Variants in DNAH12 observed in about 807,000 individuals in gnomAD.
DNAH12 encodes axonemal beta dynein heavy chain 12.
In DNAH12, 285 loss-of-function variants were observed where a neutral mutation model predicts 371.5. That is an observed-to-expected ratio of 0.77 (90% CI 0.70 to 0.85). The LOEUF (loss-of-function observed/expected upper bound fraction) is 0.85, where lower values mean the gene tolerates loss of function less well. DNAH12 is among the 40% of genes least tolerant of loss of function. DNAH12 has a pLI of 0.00. For synonymous variants in DNAH12, 1,200 were observed against 1,213.0 expected, an observed-to-expected ratio of 0.99 and a Z score of 0.22; for missense variants, 3,611 against 3,689.4, an observed-to-expected ratio of 0.98 and a Z score of 0.55.
At chr3:57,524,064 G>A (rs1559750199) in intron 2 of DNAH12, among the ~76,000 whole-genome samples, 180 bp from the exon 3 acceptor site, 1 of 152,054 alleles carries the variant, frequency 6.6e-6, no homozygotes, top group Non-Finnish European at 1.5e-5. Flanking sequence ...TTTAAATAAT[G>A]CATATATATG....
intron 60 of DNAH12, among the ~76,000 whole-genome samples, chr3:57,348,304 C>T (rs2062592234): frequency 6.6e-6 from 1 of 151,998 alleles, no homozygotes; most frequent in Non-Finnish European, 1.5e-5. Context: ...CTGGAAATGA[C>T]AAAACTAAAC....
chr3:57,466,988 C>T (rs879434024), intron 17 of DNAH12, among the ~76,000 whole-genome samples: 7 of 152,018 alleles, frequency 4.6e-5, no homozygotes, highest in Admixed American at 1.3e-4. Context: ...CTTCTGGCCT[C>T]GAATGATCCT....
intron 70 of DNAH12, 28 bp downstream of exon 70, chr3:57,301,706 AC>A (rs1214179354): frequency 1.3e-6 from 2 of 1,519,128 alleles, no homozygotes; most frequent in Non-Finnish European, 1.8e-6. Flanking sequence ...ACACACACAC[AC>A]ACACACACAC....
chr3:57,443,550 ATTT>A (rs1363081250), intron 29 of DNAH12, among the ~76,000 whole-genome samples: 1 of 152,086 alleles, frequency 6.6e-6, no homozygotes, highest in East Asian at 1.9e-4. Context: ...TATTTTTGTT[ATTT>A]TAAATTTTTA....
rs1163753989 is a variant in DNAH12, at chr3:57,380,052, A to G, written c.8082+226T>C. Among the ~76,000 whole-genome samples the G allele has an allele frequency of 2.0e-5, 3 of 152,006 alleles. No homozygotes were observed. In the East Asian group the frequency reaches 5.8e-4, roughly 29 times the overall value. ...GACAACTCTTTCAACTCAATTATAC[A>G]CTAAAAGAGTATCTTCTTAAATAAC... On this transcript the variant is annotated intron_variant, in intron 51 of 73. Coordinates refer to ENST00000495027, the MANE Select transcript of DNAH12 (RefSeq NM_001366028.2).
At chr3:57,410,246 AT>A (rs2153355015) in intron 39 of DNAH12, among the ~76,000 whole-genome samples, 1 of 151,976 alleles carries the variant, frequency 6.6e-6, no homozygotes, top group Admixed American at 6.6e-5. Context: ...TTCCAACAGC[AT>A]TTGCTTACTT....
At chr3:57,548,362 A>T (rs940983583), upstream of DNAH12, among the ~76,000 whole-genome samples, 3 of 152,218 alleles carry the variant, frequency 2.0e-5, no homozygotes, top group East Asian at 5.8e-4. Flanking sequence ...TTAGAATTTG[A>T]AATTTGACTT....
chr3:57,524,473 A>G (rs2068565128), intron 2 of DNAH12, among the ~76,000 whole-genome samples: 1 of 152,078 alleles, frequency 6.6e-6, no homozygotes, highest in Non-Finnish European at 1.5e-5. Context: ...GTATAATCCT[A>G]TTGTATAATC....
chr3:57,359,708 A>G (rs1176797549), intron 58 of DNAH12, among the ~76,000 whole-genome samples: 3 of 152,170 alleles, frequency 2.0e-5, no homozygotes, highest in Admixed American at 6.5e-5. Flanking sequence ...AAAAGACTAA[A>G]CTTCAGTCAG....
At chr3:57,476,876 T>A (rs1362230090) in intron 13 of DNAH12, among the ~76,000 whole-genome samples, 1 of 152,190 alleles carries the variant, frequency 6.6e-6, no homozygotes, top group East Asian at 1.9e-4. Context: ...AAAATATTTT[T>A]AAAAATCTAT....
intron 2 of DNAH12, among the ~76,000 whole-genome samples, chr3:57,532,432 G>T (rs1452175861): frequency 1.3e-5 from 2 of 152,130 alleles, no homozygotes; most frequent in African/African-American, 2.4e-5. Context: ...GAAGAGTTAA[G>T]TACTTATTGC....
At chr3:57,503,282 C>A (rs1695191391) in intron 9 of DNAH12, among the ~76,000 whole-genome samples, 2 of 151,986 alleles carry the variant, frequency 1.3e-5, no homozygotes. Context: ...CAAAACAAAA[C>A]AAAGAAAACC....
intron 17 of DNAH12, among the ~76,000 whole-genome samples, chr3:57,464,420 C>T (rs909498608): frequency 6.6e-6 from 1 of 152,152 alleles, no homozygotes; most frequent in African/African-American, 2.4e-5. Context: ...AAGGGCAGCG[C>T]TCCCATCAGG....
intron 62 of DNAH12, among the ~76,000 whole-genome samples, chr3:57,326,273 T>G (rs893159700): frequency 9.9e-5 from 15 of 151,730 alleles, no homozygotes; most frequent in Non-Finnish European, 1.8e-4. Context: ...TCACCAAAGT[T>G]GAAATGAAGG....
Position 57,454,890 on chromosome 3 carries a change from T to G in DNAH12, c.3341A>C (p.Tyr1114Ser), listed in dbSNP as rs2065859758. The change falls in exon 23 of 74, where the codon TAT becomes TCT. Residue 1114 changes from tyrosine (Y) to serine (S), a missense_variant. Tyr to Ser is a moderately radical substitution (Grantham distance 144). Around this residue, in one of 3 missense-constraint regions of DNAH12, gnomAD observed 1,314 missense variants for 1,398.7 expected, o/e 0.94. Coordinates refer to ENST00000495027, the MANE Select transcript of DNAH12 (RefSeq NM_001366028.2). Reference sequence around the variant, plus strand: ...CCAGTCTCTTCTTGCAGATTCTGGATAAGCCTGAACAATTAAAATAAATTT... The same window carrying G: ...CCAGTCTCTTCTTGCAGATTCTGGAGAAGCCTGAACAATTAAAATAAATTT... ...HDVIAAARLA[Y>S]PESARRDWVR... 6.5e-6 allele frequency: 10 copies of G among 1,549,186 alleles called. No homozygotes were observed. The highest frequency in any genetic ancestry group is 4.0e-5 in the Admixed American group (2 of 50,316).
chr3:57,321,504 T>C (rs1456524055), intron 65 of DNAH12, among the ~76,000 whole-genome samples: 6 of 152,194 alleles, frequency 3.9e-5, no homozygotes, highest in African/African-American at 9.7e-5. Context: ...TCCATTCTTG[T>C]ACTCACTTGC....
Position 57,408,380 on chromosome 3 carries a change from A to G in DNAH12, c.6176T>C (p.Val2059Ala), listed in dbSNP as rs1418596412. The G allele has an allele frequency of 1.3e-6, 2 of 1,551,492 alleles. No individual in the cohort carries two copies. The highest frequency in any genetic ancestry group is 8.7e-7 in the Non-Finnish European group (1 of 1,146,936). The part of the protein sequence containing the change: ...SINSFSDETM[V>A]RIFSSIVAFY... ...TGCTACAATAGATGAGAAGATTCGGACCATAGTTTCATCACTAAAAGAATT... is the reference window on the plus strand; with the variant it reads ...TGCTACAATAGATGAGAAGATTCGGGCCATAGTTTCATCACTAAAAGAATT... The change falls in exon 40 of 74, where the codon GTC becomes GCC. Residue 2059 changes from valine (V) to alanine (A), a missense_variant. Transcript: ENST00000495027.
At chr3:57,296,636 C>T (rs1228610749) in intron 71 of DNAH12, among the ~76,000 whole-genome samples, 3 of 151,924 alleles carry the variant, frequency 2.0e-5, no homozygotes, top group Admixed American at 1.3e-4. Context: ...TTGTACTGTA[C>T]CTCATAATTT....
intron 65 of DNAH12, 73 bp downstream of exon 65, chr3:57,322,270 T>TA: frequency 1.4e-6 from 2 of 1,395,130 alleles, no homozygotes; most frequent in Non-Finnish European, 1.9e-6. Context: ...AAAGCATTAT[T>TA]AAACAAAATT....
Sources: allele counts gnomAD v4.1 joint callset (sites outside exome capture counted in the v4.1 genomes callset), GRCh38; gene constraint gnomAD v4.1.1; regional missense constraint gnomAD v4.1.1; transcripts MANE v1.5; gene names NCBI Gene and HGNC (gene_info 2026-07-23, HGNC 2026-07-21).